The following ATP10B variants were observed in gnomAD, a reference collection of about 807,000 sequenced individuals.
ATP10B encodes phospholipid-transporting ATPase VB.
Under a neutral mutation model 141.2 loss-of-function variants are expected in ATP10B, and 122 were observed. That is an observed-to-expected ratio of 0.86 (90% CI 0.75 to 1.00). The LOEUF (loss-of-function observed/expected upper bound fraction) is 1.00, where lower values mean the gene tolerates loss of function less well. Ranked by LOEUF, ATP10B falls within the 50% of genes least tolerant of loss-of-function variation. The probability of loss-of-function intolerance (pLI) is 0.00; values close to 1 mark genes in which losing one functional copy is unlikely to be tolerated. For missense variants in ATP10B, 1,876 were observed against 1,825.3 expected (o/e 1.03, Z -0.51); for synonymous variants, 685 against 692.0 (o/e 0.99, Z 0.16).
intron 1 of ATP10B, among the ~76,000 whole-genome samples, chr5:160,829,273 T>C (rs1477478158): frequency 3.9e-5 from 6 of 152,080 alleles, no homozygotes; most frequent in Non-Finnish European, 8.8e-5. Flanking sequence ...TGTAGGTTTA[T>C]GGTTTTATTT....
intron 3 of ATP10B, among the ~76,000 whole-genome samples, chr5:160,696,622 A>C (rs1220815253): frequency 1.3e-5 from 2 of 152,168 alleles, no homozygotes; most frequent in African/African-American, 4.8e-5. Flanking sequence ...ACTCACCCAG[A>C]AAGGATCAGT....
Position 160,670,700 on chromosome 5 carries a change from C to T in ATP10B, c.471-33G>A, listed in dbSNP as rs754426808. 1.4e-5 allele frequency: 23 copies of T among 1,589,380 alleles called. No homozygotes were observed. In the South Asian group the frequency reaches 1.9e-4, roughly 13 times the overall value. ...GAGAGAAAGACAGGGTGTGAGTGAGCTTTAAGTTTCCTCAGAACACTAATG... is the reference window on the plus strand; with the variant it reads ...GAGAGAAAGACAGGGTGTGAGTGAGTTTTAAGTTTCCTCAGAACACTAATG... On this transcript the variant is annotated intron_variant, in intron 6 of 25. Transcript: ENST00000327245.
intron 18 of ATP10B, among the ~76,000 whole-genome samples, chr5:160,610,161 C>CA (rs938211792): frequency 5.3e-5 from 8 of 151,928 alleles, no homozygotes; most frequent in Non-Finnish European, 7.4e-5. Flanking sequence ...GGGAATTCTG[C>CA]AAAAAATGAT....
At chr5:160,673,581 C>G (rs923383638) in intron 6 of ATP10B, among the ~76,000 whole-genome samples, 1 of 151,950 alleles carries the variant, frequency 6.6e-6, no homozygotes, top group African/African-American at 2.4e-5. Context: ...CATCTCCCCC[C>G]AACCCTCACT....
chr5:160,861,082 G>A, the ATP10B span, among the ~76,000 whole-genome samples: 1 of 151,808 alleles, frequency 6.6e-6, no homozygotes, highest in Admixed American at 6.6e-5. Context: ...TAATAATACT[G>A]TGTTTCAGAA....
intron 23 of ATP10B, 109 bp from the exon 24 acceptor site, chr5:160,589,805 G>C: frequency 1.3e-6 from 1 of 777,168 alleles, no homozygotes. Context: ...TGGAGAAGGA[G>C]GTACCCAGCT....
chr5:160,616,665 T>C (rs28378817), intron 16 of ATP10B, among the ~76,000 whole-genome samples: 2,752 of 152,306 alleles, frequency 0.018, 81 homozygotes, highest in African/African-American at 0.064. Flanking sequence ...ATTACATGCA[T>C]ATGGTGTCTT....
At chr5:160,718,175 A>G (rs571714643) in intron 2 of ATP10B, among the ~76,000 whole-genome samples, 1 of 152,326 alleles carries the variant, frequency 6.6e-6, no homozygotes, top group East Asian at 1.9e-4. Context: ...TTTGGCCAGG[A>G]ATTGGATGCG....
chr5:160,583,642 C>T (rs892645221), intron 24 of ATP10B, among the ~76,000 whole-genome samples: 6 of 152,174 alleles, frequency 3.9e-5, no homozygotes, highest in Admixed American at 2.0e-4. Flanking sequence ...ACCCCTACCC[C>T]GAGGTGCTCT....
At chr5:160,605,488 A>G (rs972170162) in intron 19 of ATP10B, among the ~76,000 whole-genome samples, 2 of 152,152 alleles carry the variant, frequency 1.3e-5, no homozygotes, top group Admixed American at 6.6e-5. Context: ...AGTGAAGCCA[A>G]TATCTGACCT....
chr5:160,828,067 G>T (rs1408948814), intron 1 of ATP10B, among the ~76,000 whole-genome samples: 2 of 152,102 alleles, frequency 1.3e-5, no homozygotes, highest in Non-Finnish European at 2.9e-5. Context: ...ATTCAAGATG[G>T]ATTAAAGACT....
chr5:160,918,451 GGA>G, the ATP10B span, among the ~76,000 whole-genome samples: 16 of 152,134 alleles, frequency 1.1e-4, no homozygotes, highest in Non-Finnish European at 2.9e-5. Context: ...GCATCTGAAT[GGA>G]GAGAACAGCG....
At chr5:160,799,308 A>G (rs1481741983) in intron 1 of ATP10B, among the ~76,000 whole-genome samples, 4 of 152,178 alleles carry the variant, frequency 2.6e-5, no homozygotes, top group Non-Finnish European at 2.9e-5. Context: ...ATCTGATTTA[A>G]CCGTCTCCAC....
chr5:160,656,210 G>A (rs557570473), intron 7 of ATP10B, among the ~76,000 whole-genome samples: 2 of 152,208 alleles, frequency 1.3e-5, no homozygotes, highest in Admixed American at 6.5e-5. Flanking sequence ...GCTGTTTTCT[G>A]GCTACCCATC....
chr5:160,567,954 T>C (rs1011268204), intron 25 of ATP10B, among the ~76,000 whole-genome samples: 1 of 152,142 alleles, frequency 6.6e-6, no homozygotes, highest in African/African-American at 2.4e-5. Flanking sequence ...GTTTGAGAAA[T>C]ACGTAGTGGA....
At chr5:160,842,810 A>C (rs999843298) in intron 1 of ATP10B, among the ~76,000 whole-genome samples, 14 of 149,238 alleles carry the variant, frequency 9.4e-5, no homozygotes, top group South Asian at 6.3e-4. Flanking sequence ...AAACATTCCC[A>C]CACACACACA....
the ATP10B span, among the ~76,000 whole-genome samples, chr5:160,927,942 A>G: frequency 6.6e-6 from 1 of 152,200 alleles, no homozygotes; most frequent in Non-Finnish European, 1.5e-5. Context: ...ATAGGAAGCT[A>G]ATATTGGGAA....
At chr5:160,876,963 A>G in the ATP10B span, among the ~76,000 whole-genome samples, 102,702 of 137,866 alleles carry the variant, frequency 0.74, 39,535 homozygotes, top group East Asian at 0.97. Flanking sequence ...GGTACAAGGA[A>G]GAACTGGTAC....
intron 1 of ATP10B, among the ~76,000 whole-genome samples, chr5:160,808,884 G>A (rs1418942558): frequency 6.6e-6 from 1 of 152,164 alleles, no homozygotes; most frequent in Non-Finnish European, 1.5e-5. Flanking sequence ...TCAAGGTGAT[G>A]GTAGGATCGG....
Sources: gnomAD v4.1 joint callset for allele counts (sites outside exome capture counted in the v4.1 genomes callset) on GRCh38, gnomAD v4.1.1 for gene constraint, MANE v1.5 for transcripts, NCBI Gene and HGNC (gene_info 2026-07-23, HGNC 2026-07-21) for gene names.